The following SAGE1 variants were observed in gnomAD, a reference collection of about 807,000 sequenced individuals.
SAGE1 encodes the protein cancer/testis antigen 14.
Under a neutral mutation model 55.4 loss-of-function variants are expected in SAGE1, and 55 were observed. The ratio of observed to expected loss-of-function variants is 0.99; its 90% CI spans 0.80 to 1.24. The LOEUF (loss-of-function observed/expected upper bound fraction) is 1.24. Among genes scored for constraint, SAGE1 ranks in the 50% most tolerant of loss-of-function variants. The pLI is 0.00. For missense variants in SAGE1, 710 were observed against 704.4 expected (o/e 1.01, Z -0.09); for synonymous variants, 240 against 244.3 (o/e 0.98, Z 0.17).
In SAGE1 at chrX:135,896,341, C is replaced by A. The variant is rs1569520794; in HGVS notation, c.87+12C>A. On this transcript the variant is annotated intron_variant, in intron 2 of 19. Coordinates refer to ENST00000370709, the MANE Select transcript of SAGE1 (RefSeq NM_001381902.1). ...CAAATGATGGGCAGGTAAGATAACT[C>A]TTTCTATTTCTGCCCTAATTGTGAC... 9.2e-7 allele frequency: 1 copy of A among 1,089,053 alleles called. No homozygotes were observed. Among genetic ancestry groups the A allele is most frequent in the African/African-American group, 1.8e-5 (1 of 55,545 alleles). The allele number at this position is 1,089,053 out of a possible 1,213,427, so 89.8% of individuals were successfully genotyped here.
intron 2 of SAGE1, among the ~76,000 whole-genome samples, chrX:135,901,305 A>G (rs781962024): frequency 1.6e-4 from 18 of 111,057 alleles, no homozygotes; most frequent in Admixed American, 2.9e-4. Flanking sequence ...AAGCATTCTG[A>G]TTTATCATGA....
At chrX:135,902,034 C>A (rs1309984614) in intron 3 of SAGE1, among the ~76,000 whole-genome samples, 1 of 112,019 alleles carries the variant, frequency 8.9e-6, no homozygotes, top group African/African-American at 3.3e-5. Flanking sequence ...CAGCAGCATG[C>A]GACACAGTTG....
chrX:135,904,610 A>AGATC (rs782565736), intron 4 of SAGE1, 41 bp downstream of exon 4: 21 of 893,472 alleles, frequency 2.4e-5, no homozygotes, highest in Non-Finnish European at 3.3e-5. Context: ...TGAGTATGAA[A>AGATC]TTCATCCATG....
intron 2 of SAGE1, among the ~76,000 whole-genome samples, chrX:135,898,457 T>C (rs2088622282): frequency 1.8e-5 from 2 of 112,353 alleles, no homozygotes; most frequent in Non-Finnish European, 3.8e-5. Flanking sequence ...TGAACATACA[T>C]GTGCATGTAT....
At position 135,911,675 on chromosome X, in the gene SAGE1, T is replaced by C. The variant is rs35098873; in HGVS notation, c.2243T>C (p.Ile748Thr). 2.7e-5 allele frequency: 33 copies of C among 1,207,689 alleles called. No individual in the cohort carries two copies. The African/African-American group carries it at 5.1e-4, about 19-fold the overall frequency. ...TCAAATTCTGATTCACCAGAGCTGA[T>C]AAATATGACAGGACATTGTATGCCA... The part of the protein sequence containing the change: ...FLSNSDSPEL[I>T]NMTGHCMPPN... Residue 748 changes from isoleucine to threonine, a missense_variant, in exon 18 of 20, where the codon ATA (isoleucine) becomes ACA (threonine). Ile to Thr is a moderately conservative substitution (Grantham distance 89). Coordinates refer to ENST00000370709, the MANE Select transcript of SAGE1 (RefSeq NM_001381902.1).
chrX:135,901,414 G>C (rs782378952), intron 2 of SAGE1, 145 bp from the exon 3 acceptor site: 13 of 554,577 alleles, frequency 2.3e-5, no homozygotes, highest in Non-Finnish European at 3.7e-5. Context: ...AGAGCATCGT[G>C]TATGTTCAGG....
chrX:135,908,479 G>A lies in SAGE1; in HGVS notation c.1303G>A (p.Ala435Thr). Residue 435 changes from alanine to threonine, a missense_variant and splice_region_variant, in exon 12 of 20, where the codon GCT becomes ACT. Ala to Thr is a moderately conservative substitution (Grantham distance 58). Transcript: ENST00000370709. ...CGACCTCTTTATTTGGTTTCTAGAT[G>A]CTACCGTCAATCACCATGTCCATGA... is the stretch of plus-strand genomic sequence containing the variant. ...IPPMSTRDQYATVNHHVHEAR... is the reference protein window; with the variant it reads ...IPPMSTRDQYTTVNHHVHEAR... The A allele has an allele frequency of 8.3e-7, 1 of 1,200,093 alleles. No homozygotes were observed.
At chrX:135,904,164 A>G (rs1272750208) in intron 3 of SAGE1, among the ~76,000 whole-genome samples, 21 of 111,882 alleles carry the variant, frequency 1.9e-4, no homozygotes, top group African/African-American at 6.5e-4. Flanking sequence ...CAACTGTTCC[A>G]TCAGTGCTTA....
chrX:135,900,734 C>T (rs1178544149), intron 2 of SAGE1, among the ~76,000 whole-genome samples: 13 of 95,507 alleles, frequency 1.4e-4, no homozygotes, highest in Non-Finnish European at 2.3e-4. Flanking sequence ...ATCAACATAT[C>T]GGAATCTCCA....
intron 14 of SAGE1, 47 bp downstream of exon 14, chrX:135,909,826 C>A: frequency 4.6e-6 from 5 of 1,093,706 alleles, no homozygotes; most frequent in Middle Eastern, 2.5e-4. Context: ...TTTTCATATG[C>A]ATGCCTAGTG....
At chrX:135,909,851 A>G in intron 14 of SAGE1, 72 bp downstream of exon 14, 2 of 1,048,262 alleles carry the variant, frequency 1.9e-6, no homozygotes, top group Non-Finnish European at 2.6e-6. Context: ...GAATAGGAGA[A>G]GGTGGTTTTG....
At chrX:135,893,814 G>T (rs1556591616) in intron 1 of SAGE1, among the ~76,000 whole-genome samples, 33 bp downstream of exon 1, 1 of 111,763 alleles carries the variant, frequency 8.9e-6, no homozygotes, top group African/African-American at 3.3e-5. Flanking sequence ...AATATATCTT[G>T]TGATATATTT....
At chrX:135,910,295 T>A in intron 15 of SAGE1, 120 bp from the exon 16 acceptor site, 4 of 1,031,765 alleles carry the variant, frequency 3.9e-6, no homozygotes, top group Non-Finnish European at 5.3e-6. Context: ...CTCAGATTGC[T>A]ACCTGGTATA....
chrX:135,904,444 C>T (rs1556598783), intron 3 of SAGE1, 33 bp from the exon 4 acceptor site: 6 of 1,000,699 alleles, frequency 6.0e-6, no homozygotes, highest in Non-Finnish European at 7.1e-6. Flanking sequence ...AATGCACTTA[C>T]CTCACAGCTC....
At chrX:135,909,875 C>A in intron 14 of SAGE1, 96 bp downstream of exon 14, 1 of 997,486 alleles carries the variant, frequency 1.0e-6, no homozygotes, top group South Asian at 2.3e-5. Flanking sequence ...TATTATCTTT[C>A]ATGAGTTCAA....
chrX:135,902,530 G>A (rs2088697329), intron 3 of SAGE1, among the ~76,000 whole-genome samples: 1 of 112,176 alleles, frequency 8.9e-6, no homozygotes, highest in South Asian at 3.7e-4. Context: ...GGGGATTGAG[G>A]AATCCTGGTT....
chrX:135,898,824 A>G (rs2088627682), intron 2 of SAGE1, among the ~76,000 whole-genome samples: 1 of 111,711 alleles, frequency 9.0e-6, no homozygotes, highest in Admixed American at 9.5e-5. Context: ...TCCTTTGCCC[A>G]CTTTTTAATG....
intron 18 of SAGE1, 72 bp downstream of exon 18, chrX:135,912,025 A>G: frequency 2.6e-6 from 3 of 1,165,322 alleles, no homozygotes; most frequent in Non-Finnish European, 3.4e-6. Flanking sequence ...AACAGAATTG[A>G]GCTGCCTCTT....
intron 1 of SAGE1, among the ~76,000 whole-genome samples, chrX:135,895,500 G>A (rs1473565839): frequency 8.9e-6 from 1 of 112,163 alleles, no homozygotes; most frequent in African/African-American, 3.2e-5. Context: ...TATCCAAAGA[G>A]GGTTAGGCCC....
Sources: allele counts gnomAD v4.1 joint callset (sites outside exome capture counted in the v4.1 genomes callset), GRCh38; gene constraint gnomAD v4.1.1; transcripts MANE v1.5; gene names NCBI Gene and HGNC (gene_info 2026-07-23, HGNC 2026-07-21).